The following ATP1A1 variants were observed in gnomAD, a reference collection of about 807,000 sequenced individuals.
ATP1A1 encodes the protein sodium/potassium-transporting ATPase subunit alpha-1.
ATP1A1 carries 14 observed loss-of-function variants against 114.8 expected under a neutral mutation model. That is an observed-to-expected ratio of 0.12 (90% CI 0.08 to 0.19). The LOEUF is 0.19. Ranked by LOEUF, ATP1A1 falls within the 10% of genes least tolerant of loss-of-function variation. The probability of loss-of-function intolerance (pLI) is 1.00; values close to 1 mark genes in which losing one functional copy is unlikely to be tolerated. For synonymous variants in ATP1A1, 471 were observed against 466.3 expected (o/e 1.01, Z -0.13); for missense variants, 524 against 1,290.7 (o/e 0.41, Z 9.10).
intron 12 of ATP1A1, among the ~76,000 whole-genome samples, chr1:116,394,403 G>C (rs148854108): frequency 1.4e-3 from 214 of 152,160 alleles, no homozygotes; most frequent in African/African-American, 5.0e-3. Flanking sequence ...TCTTTCGTAT[G>C]TGTCTATCCA....
At chr1:116,391,992 T>A (rs1020316741) in intron 10 of ATP1A1, among the ~76,000 whole-genome samples, 1 of 152,234 alleles carries the variant, frequency 6.6e-6, no homozygotes, top group African/African-American at 2.4e-5. Flanking sequence ...GTGGCTTTTA[T>A]TTAAAATGTC....
In ATP1A1 at chr1:116,373,507, C is replaced by T; in HGVS notation, c.-5C>T. On this transcript the variant is annotated 5_prime_UTR_variant, in exon 1 of 23. Transcript: ENST00000295598. ...ACCCGGCGCCGGGCACTGAGCACCGCCACCATGGGGAAGGGGGTGAGTGTC... is the reference window on the plus strand; with the variant it reads ...ACCCGGCGCCGGGCACTGAGCACCGTCACCATGGGGAAGGGGGTGAGTGTC... The T allele has an allele frequency of 2.7e-6, 4 of 1,503,528 alleles. No individual in the cohort carries two copies. In the Admixed American group the frequency reaches 8.8e-5, roughly 33 times the overall value. The allele number at this position is 1,503,528 out of a possible 1,614,324, so 93.1% of individuals were successfully genotyped here.
chr1:116,373,537 G>T lies in ATP1A1; in HGVS notation c.12+14G>T. ...ATGGGGAAGGGGGTGAGTGTCCGGC[G>T]CGCCCGGGGAGGGGGCTCGGGGAGC... On this transcript the variant is annotated intron_variant, in intron 1 of 22. Transcript: ENST00000295598. The T allele has an allele frequency of 6.9e-7, 1 of 1,451,942 alleles. No homozygotes were observed. Among genetic ancestry groups the T allele is most frequent in the South Asian group, 1.4e-5 (1 of 70,376 alleles). The allele number at this position is 1,451,942 out of a possible 1,614,324, so 89.9% of individuals were successfully genotyped here.
rs12139437 is a variant in ATP1A1 at position 116,403,983 on chromosome 1, T to C, written c.3043+8T>C. 0.038 allele frequency: 61,147 copies of C among 1,612,430 alleles called. 3,005 individuals are homozygous for C. The highest frequency in any genetic ancestry group is 0.24 in the African/African-American group (18,326 of 74,914). On this transcript the variant is annotated splice_region_variant and intron_variant, in intron 22 of 22. Coordinates refer to ENST00000295598, the MANE Select transcript of ATP1A1 (RefSeq NM_000701.8). The stretch of plus-strand genomic sequence containing the variant: ...TCAGGCGACGCCCTGGCGGTAATTA[T>C]GGGCATTCTGACTTTGGTTGGAGGA...
At position 116,387,636 on chromosome 1, in the gene ATP1A1, A is replaced by C; in HGVS notation, c.387+145A>C. On this transcript the variant is annotated intron_variant, in intron 4 of 22. Transcript: ENST00000295598. The surrounding 1 kb of genome is among the most constrained non-coding windows in gnomAD (Gnocchi z 6.7). ...TGGTTATGAACAGCTGTTGCCTTCA[A>C]GGCTCATCCATTCTTCCTTCGTTTC... 1 of 935,322 alleles carries C rather than the reference A, an allele frequency of 1.1e-6. No homozygotes were observed. The highest frequency in any genetic ancestry group is 2.6e-5 in the East Asian group (1 of 37,942). The allele number at this position is 935,322 out of a possible 1,614,324, so 57.9% of individuals were successfully genotyped here. A position where few individuals can be genotyped will look rare whatever the true frequency, so the allele number is the denominator to read the frequency against.
Position 116,398,551 on chromosome 1 carries a change from C to T in ATP1A1, c.2125-70C>T. ...GTCTGTAATGAGTGCTCAGTGGGGG[C>T]ATGCATCGCACTATTTCCATCGCTA... On this transcript the variant is annotated intron_variant, in intron 15 of 22. Transcript: ENST00000295598. This position sits in a 1 kb window ranked among gnomAD's most constrained non-coding sequence, Gnocchi z 6.1. 4 of 1,542,212 alleles carry T rather than the reference C, an allele frequency of 2.6e-6. No homozygotes were observed. In the South Asian group the frequency reaches 3.7e-5, roughly 14 times the overall value.
In ATP1A1 at chr1:116,398,614, G is replaced by C; in HGVS notation, c.2125-7G>C. The stretch of plus-strand genomic sequence containing the variant: ...GGTATTAACCCGTTTTCCCTTTTCT[G>C]GGGTAGGGTGCTATCGTGGCTGTGA... On this transcript the variant is annotated splice_polypyrimidine_tract_variant and splice_region_variant and intron_variant, in intron 15 of 22. Coordinates refer to ENST00000295598, the MANE Select transcript of ATP1A1 (RefSeq NM_000701.8). This position sits in a 1 kb window ranked among gnomAD's most constrained non-coding sequence, Gnocchi z 6.1. 1 of 1,612,498 alleles carries C rather than the reference G, an allele frequency of 6.2e-7. No homozygotes were observed. The highest frequency in any genetic ancestry group is 1.1e-5 in the South Asian group (1 of 90,932).
At position 116,389,035 on chromosome 1, in the gene ATP1A1, G is replaced by A; in HGVS notation, c.754+16G>A. ...TGTGTTGAAGGTAGGCCATTTTTGG[G>A]CACTTTGAGCATGGCGTGGTATTTC... is the stretch of plus-strand genomic sequence containing the variant. On this transcript the variant is annotated intron_variant, in intron 7 of 22. Coordinates refer to ENST00000295598, the MANE Select transcript of ATP1A1 (RefSeq NM_000701.8). The surrounding 1 kb of genome is among the most constrained non-coding windows in gnomAD (Gnocchi z 6.9). 1 of 1,596,190 alleles carries A rather than the reference G, an allele frequency of 6.3e-7. No homozygotes were observed. The highest frequency in any genetic ancestry group is 8.6e-7 in the Non-Finnish European group (1 of 1,164,164).
In ATP1A1 at chr1:116,389,411, T is replaced by A. The variant is rs1394695803; in HGVS notation, c.755-28T>A. The A allele has an allele frequency of 6.2e-7, 1 of 1,612,364 alleles. No homozygotes were observed. Among genetic ancestry groups the A allele is most frequent in the Non-Finnish European group, 8.5e-7 (1 of 1,178,636 alleles). On this transcript the variant is annotated intron_variant, in intron 7 of 22. Coordinates refer to ENST00000295598, the MANE Select transcript of ATP1A1 (RefSeq NM_000701.8). This position sits in a 1 kb window ranked among gnomAD's most constrained non-coding sequence, Gnocchi z 6.9. Reference sequence around the variant, plus strand: ...TTCCTTCAGGTTAGATACAATTAGGTACAGTTCTCCCTCCCCTTCTTTTTA... The same window carrying A: ...TTCCTTCAGGTTAGATACAATTAGGAACAGTTCTCCCTCCCCTTCTTTTTA...
intron 9 of ATP1A1, 118 bp downstream of exon 9, chr1:116,390,529 C>G: frequency 1.1e-6 from 1 of 909,750 alleles, no homozygotes; most frequent in Non-Finnish European, 1.5e-6. Flanking sequence ...CTTTTTCTTT[C>G]TTTTTTGTTT....
chr1:116,400,521 A>G (rs1653364733), intron 18 of ATP1A1, among the ~76,000 whole-genome samples: 1 of 152,210 alleles, frequency 6.6e-6, no homozygotes, highest in Non-Finnish European at 1.5e-5. Flanking sequence ...CAGAGATTAA[A>G]AAGTAGGGAA....
chr1:116,402,664 C>A (rs1291371321), intron 21 of ATP1A1, among the ~76,000 whole-genome samples: 1 of 152,196 alleles, frequency 6.6e-6, no homozygotes, highest in African/African-American at 2.4e-5. Context: ...TAGGTGAATT[C>A]GGCTTTCTTC....
intron 1 of ATP1A1, chr1:116,373,790 G>T: frequency 1.7e-6 from 2 of 1,174,848 alleles, no homozygotes; most frequent in African/African-American, 3.3e-5. Flanking sequence ...GGGGCTGCGC[G>T]CCCCGGAGGC....
chr1:116,374,100 G>C, intron 1 of ATP1A1: 2 of 1,471,354 alleles, frequency 1.4e-6, no homozygotes, highest in Non-Finnish European at 1.8e-6. Flanking sequence ...CCTTCTCCTG[G>C]GGACGCTGGG....
chr1:116,403,794 A>C, intron 21 of ATP1A1, 90 bp from the exon 22 acceptor site: 1 of 1,136,540 alleles, frequency 8.8e-7, no homozygotes, highest in East Asian at 2.4e-5. Context: ...CAGGCTGATT[A>C]TTTCATTGTC....
Position 116,384,643 on chromosome 1 carries a change from A to G in ATP1A1, c.124-140A>G, listed in dbSNP as rs752684453. On this transcript the variant is annotated intron_variant, in intron 2 of 22. Coordinates refer to ENST00000295598, the MANE Select transcript of ATP1A1 (RefSeq NM_000701.8). The surrounding 1 kb of genome is among the most constrained non-coding windows in gnomAD (Gnocchi z 5.1). ...GCAAAGCCACAAAGCGATGGTGAAA[A>G]TTGTACCAACTTATGCACTGAAGAA... The G allele has an allele frequency of 4.3e-6, 3 of 703,732 alleles. No homozygotes were observed. The highest frequency in any genetic ancestry group is 6.9e-6 in the Non-Finnish European group (3 of 433,426). The allele number at this position is 703,732 out of a possible 1,614,324, so 43.6% of individuals were successfully genotyped here. A position where few individuals can be genotyped will look rare whatever the true frequency, so the allele number is the denominator to read the frequency against.
chr1:116,403,506 T>C (rs1653705858), intron 21 of ATP1A1, among the ~76,000 whole-genome samples: 1 of 149,284 alleles, frequency 6.7e-6, no homozygotes, highest in South Asian at 2.1e-4. Flanking sequence ...ATTAGGCAGA[T>C]GGTCTTAAAA....
chr1:116,390,551 A>G (rs1003949568), intron 9 of ATP1A1, 140 bp downstream of exon 9: 6 of 647,184 alleles, frequency 9.3e-6, no homozygotes, highest in Admixed American at 5.1e-5. Context: ...TTTTTTTTTT[A>G]TCATTTAGTG....
chr1:116,387,234 T>C lies in ATP1A1; in HGVS notation c.184-54T>C, dbSNP rs1167269984. ...ACCGTCCAGCTACCAGGTAGGTATA[T>C]TGCCTTGTAAGTGCTGGTACAGTTT... On this transcript the variant is annotated intron_variant, in intron 3 of 22. Transcript: ENST00000295598. The surrounding 1 kb of genome is among the most constrained non-coding windows in gnomAD (Gnocchi z 6.7). 1 of 1,599,154 alleles carries C rather than the reference T, an allele frequency of 6.3e-7. No homozygotes were observed. The highest frequency in any genetic ancestry group is 1.3e-5 in the African/African-American group (1 of 74,600).
Sources: gnomAD v4.1 joint callset for allele counts (sites outside exome capture counted in the v4.1 genomes callset) on GRCh38, gnomAD v4.1.1 for gene constraint, Gnocchi (gnomAD v3.1) non-coding constraint, MANE v1.5 for transcripts, NCBI Gene and HGNC (gene_info 2026-07-23, HGNC 2026-07-21) for gene names.